STX3: variants seen among roughly 807,000 people sequenced by gnomAD.
The protein encoded by STX3 is syntaxin 3, also known as syntaxin-3.
A neutral mutation model predicts 40.2 loss-of-function variants in STX3; 19 were observed. The observed-to-expected ratio is 0.47, with a 90% CI of 0.33 to 0.69. STX3 has a LOEUF of 0.69. Ranked by LOEUF, STX3 falls within the 30% of genes least tolerant of loss-of-function variation. The probability of loss-of-function intolerance (pLI) is 0.02; values close to 1 mark genes in which losing one functional copy is unlikely to be tolerated. For synonymous variants in STX3, 122 were observed against 132.2 expected, an observed-to-expected ratio of 0.92 and a Z score of 0.53; for missense variants, 364 against 366.7, an observed-to-expected ratio of 0.99 and a Z score of 0.06.
intron 10 of STX3, chr11:59,800,057 G>C (rs576976594): frequency 1.0e-6 from 1 of 985,270 alleles, no homozygotes; most frequent in Non-Finnish European, 1.2e-6. Context: ...TTTTCAGGAC[G>C]TAACTCCTCA....
chr11:59,771,612 T>G (rs1254961341), intron 1 of STX3, among the ~76,000 whole-genome samples: 2 of 152,100 alleles, frequency 1.3e-5, no homozygotes, highest in Admixed American at 1.3e-4. Flanking sequence ...AGGAAATGTT[T>G]GTCAGTTGGA....
chr11:59,767,922 T>C (rs929038980), intron 1 of STX3, among the ~76,000 whole-genome samples: 1 of 152,194 alleles, frequency 6.6e-6, no homozygotes, highest in African/African-American at 2.4e-5. Context: ...ATCTTTAACA[T>C]TGCATTCAGC....
chr11:59,760,475 T>C (rs1170512190), intron 1 of STX3, among the ~76,000 whole-genome samples: 1 of 152,046 alleles, frequency 6.6e-6, no homozygotes, highest in Non-Finnish European at 1.5e-5. Flanking sequence ...GAAACCACTG[T>C]CCGTTGCTTT....
Position 59,791,876 on chromosome 11 carries a change from C to T in STX3, c.358-231C>T, listed in dbSNP as rs542526769. ...ATGACCTCTGGCCTCGCAATTACCA[C>T]GTGAGGTCAGCAGTAAACCGGTTTC... On this transcript the variant is annotated intron_variant, in intron 5 of 10. Transcript: ENST00000337979. Among the ~76,000 whole-genome samples the T allele has an allele frequency of 2.6e-5, 4 of 152,270 alleles. No individual in the cohort carries two copies. The South Asian group carries it at 8.3e-4, about 32-fold the overall frequency.
chr11:59,771,418 G>T (rs1245342298), intron 1 of STX3, among the ~76,000 whole-genome samples: 1 of 34,496 alleles, frequency 2.9e-5, no homozygotes, highest in Non-Finnish European at 6.3e-5. Flanking sequence ...CCCCCCGCCC[G>T]CCCACAGAAT....
chr11:59,777,882 G>T (rs780941780), intron 2 of STX3, among the ~76,000 whole-genome samples: 1 of 152,122 alleles, frequency 6.6e-6, no homozygotes, highest in Non-Finnish European at 1.5e-5. Flanking sequence ...CAATTTCTGG[G>T]GCTTTTATTG....
At chr11:59,771,400 A>ACC (rs1565168425) in intron 1 of STX3, among the ~76,000 whole-genome samples, 6 of 42,262 alleles carry the variant, frequency 1.4e-4, no homozygotes, top group African/African-American at 4.2e-4. Flanking sequence ...CCGTCCCCCC[A>ACC]CCTCCCCCCC....
At chr11:59,781,379 C>T (rs899722480) in intron 2 of STX3, 6 of 1,598,898 alleles carry the variant, frequency 3.8e-6, no homozygotes, top group Non-Finnish European at 5.1e-6. Flanking sequence ...CCACTAATTT[C>T]CCATCTTTCA....
Position 59,800,917 on chromosome 11 carries a change from TG to T in STX3, c.*95del, listed in dbSNP as rs1235055815. On this transcript the variant is annotated 3_prime_UTR_variant, in exon 11 of 11. Coordinates refer to ENST00000337979, the MANE Select transcript of STX3 (RefSeq NM_004177.5). ...TCTTCAGATGAGAATGGAGTCTGAATGGCCTTCCTGAGAGCGAGTGCGACCC... is the reference window on the plus strand; with the variant it reads ...TCTTCAGATGAGAATGGAGTCTGAATGCCTTCCTGAGAGCGAGTGCGACCC... The T allele has an allele frequency of 5.2e-6, 8 of 1,536,296 alleles. No individual in the cohort carries two copies. The African/African-American group carries it at 9.6e-5, about 18-fold the overall frequency.
intron 1 of STX3, among the ~76,000 whole-genome samples, chr11:59,764,604 T>G (rs1004461958): frequency 2.0e-5 from 3 of 152,226 alleles, no homozygotes; most frequent in South Asian, 2.1e-4. Context: ...TGTTGTGGTA[T>G]CCCCTGAAAT....
At chr11:59,797,899 AGTGTT>A (rs1482517767) in intron 10 of STX3, among the ~76,000 whole-genome samples, 1 of 152,220 alleles carries the variant, frequency 6.6e-6, no homozygotes, top group Non-Finnish European at 1.5e-5. Flanking sequence ...CACACTTTTG[AGTGTT>A]GTGTTGTACC....
chr11:59,796,620 C>G (rs1032252758), intron 9 of STX3, among the ~76,000 whole-genome samples: 3 of 152,038 alleles, frequency 2.0e-5, no homozygotes. Context: ...ATCAAAAATG[C>G]CTTTACATTC....
chr11:59,756,762 T>C (rs1862737439), intron 1 of STX3, among the ~76,000 whole-genome samples: 1 of 152,210 alleles, frequency 6.6e-6, no homozygotes, highest in Non-Finnish European at 1.5e-5. Context: ...AAATGGGTAG[T>C]TGTAAGGTCG....
At chr11:59,789,426 C>T (rs189021603) in intron 4 of STX3, among the ~76,000 whole-genome samples, 19 of 151,514 alleles carry the variant, frequency 1.3e-4, no homozygotes, top group Non-Finnish European at 2.4e-4. Flanking sequence ...GGTCTTATTT[C>T]CCTGGCAACT....
intron 1 of STX3, among the ~76,000 whole-genome samples, chr11:59,770,375 A>T (rs1382689550): frequency 1.3e-5 from 2 of 150,108 alleles, no homozygotes; most frequent in African/African-American, 4.9e-5. Flanking sequence ...GTGTGTATGT[A>T]TAGGGTGTGT....
intron 2 of STX3, among the ~76,000 whole-genome samples, chr11:59,778,705 T>C (rs1026313299): frequency 2.0e-5 from 3 of 152,210 alleles, no homozygotes; most frequent in African/African-American, 4.8e-5. Context: ...CGTTAACTTA[T>C]TGAAAGCTCT....
intron 2 of STX3, chr11:59,781,171 A>G: frequency 1.5e-6 from 1 of 647,332 alleles, no homozygotes. Flanking sequence ...ACTTTGAAAT[A>G]GCTGCATGTA....
At chr11:59,790,607 A>G (rs879001153) in intron 5 of STX3, 21 bp downstream of exon 5, 40 of 1,582,070 alleles carry the variant, frequency 2.5e-5, no homozygotes, top group Non-Finnish European at 3.2e-5. Context: ...TCCTGGTCTC[A>G]TGATTAGCTA....
At position 59,802,103 on chromosome 11, in the gene STX3, C is replaced by T. The variant is rs1014205792; in HGVS notation, c.*1279C>T. On this transcript the variant is annotated 3_prime_UTR_variant, in exon 11 of 11. Coordinates refer to ENST00000337979, the MANE Select transcript of STX3 (RefSeq NM_004177.5). ...GAACATCCCTCAGTAACTTGATATTCACATGACCTACAGGATGTCCCATCT... is the reference window on the plus strand; with the variant it reads ...GAACATCCCTCAGTAACTTGATATTTACATGACCTACAGGATGTCCCATCT... The T allele has an allele frequency of 5.6e-5, 55 of 985,296 alleles. No homozygotes were observed. The highest frequency in any genetic ancestry group is 6.3e-5 in the Non-Finnish European group (52 of 829,940). The allele number at this position is 985,296 out of a possible 1,614,324, so 61.0% of individuals were successfully genotyped here.
Sources: gnomAD v4.1 joint callset for allele counts (sites outside exome capture counted in the v4.1 genomes callset) on GRCh38, gnomAD v4.1.1 for gene constraint, MANE v1.5 for transcripts, NCBI Gene and HGNC (gene_info 2026-07-23, HGNC 2026-07-21) for gene names.